FNIP2: variants seen among roughly 807,000 people sequenced by gnomAD.
FNIP2 encodes the protein folliculin-interacting protein 2.
FNIP2 carries 32 observed loss-of-function variants against 108.7 expected under a neutral mutation model. The observed-to-expected ratio is 0.29, with a 90% CI of 0.22 to 0.40. The LOEUF (loss-of-function observed/expected upper bound fraction) is 0.40, where lower values mean the gene tolerates loss of function less well. Among genes scored for constraint, FNIP2 ranks in the 10% least tolerant of loss-of-function variants. FNIP2 has a pLI of 1.00. For missense variants in FNIP2, 1,202 were observed against 1,381.6 expected, an observed-to-expected ratio of 0.87 and a Z score of 2.06; for synonymous variants, 480 against 496.7, an observed-to-expected ratio of 0.97 and a Z score of 0.45.
At chr4:158,775,852 A>G (rs1045289279) in intron 1 of FNIP2, among the ~76,000 whole-genome samples, 28 of 152,254 alleles carry the variant, frequency 1.8e-4, no homozygotes, top group African/African-American at 6.3e-4. Flanking sequence ...ATGAGTTTGG[A>G]TCCCCGATTA....
At chr4:158,856,144 C>G (rs374259501) in intron 8 of FNIP2, among the ~76,000 whole-genome samples, 87 of 152,238 alleles carry the variant, frequency 5.7e-4, no homozygotes, top group African/African-American at 1.9e-3. Context: ...CATCACTTAC[C>G]GAGGCAATTG....
chr4:158,823,564 A>C (rs1778001556), intron 1 of FNIP2, among the ~76,000 whole-genome samples: 1 of 152,230 alleles, frequency 6.6e-6, no homozygotes, highest in African/African-American at 2.4e-5. Flanking sequence ...GGTCTGGGTC[A>C]TAGTCATCAG....
intron 8 of FNIP2, among the ~76,000 whole-genome samples, chr4:158,857,026 A>G (rs937457458): frequency 2.6e-5 from 4 of 152,208 alleles, no homozygotes; most frequent in Non-Finnish European, 5.9e-5. Flanking sequence ...CCACTCTATT[A>G]TAGCTATGGA....
chr4:158,788,908 A>C (rs1451007494), intron 1 of FNIP2, among the ~76,000 whole-genome samples: 1 of 152,246 alleles, frequency 6.6e-6, no homozygotes, highest in Non-Finnish European at 1.5e-5. Context: ...TCCATGCTTC[A>C]TCTTTAGGCA....
chr4:158,801,198 G>A (rs1776750725), intron 1 of FNIP2, among the ~76,000 whole-genome samples: 1 of 152,130 alleles, frequency 6.6e-6, no homozygotes, highest in Admixed American at 6.5e-5. Context: ...TCCTGGGGAG[G>A]CGGTAGGGGC....
intron 14 of FNIP2, among the ~76,000 whole-genome samples, chr4:158,885,658 C>T (rs565372073): frequency 1.3e-5 from 2 of 152,308 alleles, no homozygotes; most frequent in East Asian, 1.9e-4. Context: ...CACGTTTCAA[C>T]ACATTTTTCT....
intron 1 of FNIP2, among the ~76,000 whole-genome samples, chr4:158,800,203 C>A (rs1015034809): frequency 6.6e-6 from 1 of 152,112 alleles, no homozygotes; most frequent in Admixed American, 6.5e-5. Context: ...CTTTCGGTAG[C>A]ACTTTTTCAA....
At chr4:158,825,488 G>A (rs937714744) in intron 1 of FNIP2, among the ~76,000 whole-genome samples, 11 of 152,222 alleles carry the variant, frequency 7.2e-5, no homozygotes, top group African/African-American at 2.4e-4. Flanking sequence ...AGGCTCTACC[G>A]ACTTGCTCCA....
Position 158,868,606 on chromosome 4 carries a change from C to T in FNIP2, c.1970C>T (p.Ala657Val), listed in dbSNP as rs374889035. Residue 657 changes from alanine to valine, a missense_variant, in exon 13 of 17, where the codon GCA (alanine) becomes GTA (valine). By Grantham distance (64) the Ala-to-Val change is moderately conservative. This residue lies in a region of FNIP2 where 878 missense variants were observed against 990.3 expected (regional missense o/e 0.89). Transcript: ENST00000264433. The surrounding 1 kb of genome is among the most constrained non-coding windows in gnomAD (Gnocchi z 4.6). ...TGTGGGGATGAGAAAAATAAAGAGG[C>T]ACCGCAAGATGGCTCTTCAAGACTT... The part of the protein sequence containing the change: ...AFCGDEKNKE[A>V]PQDGSSRLPS... 4 of 1,613,666 alleles carry T rather than the reference C, an allele frequency of 2.5e-6. No individual in the cohort carries two copies. Among genetic ancestry groups the T allele is most frequent in the African/African-American group, 2.7e-5 (2 of 74,924 alleles).
intron 14 of FNIP2, among the ~76,000 whole-genome samples, chr4:158,878,326 C>T (rs1311816231): frequency 1.3e-5 from 2 of 152,064 alleles, no homozygotes; most frequent in Non-Finnish European, 2.9e-5. Context: ...TCTGGAGCTT[C>T]AAAGAACTAT....
intron 13 of FNIP2, among the ~76,000 whole-genome samples, chr4:158,869,925 A>C (rs1780838507): frequency 6.6e-6 from 1 of 152,238 alleles, no homozygotes. Flanking sequence ...TGAAAGCAGT[A>C]ATTAGAAATT....
At chr4:158,833,094 C>T (rs926090217) in intron 5 of FNIP2, among the ~76,000 whole-genome samples, 2 of 152,138 alleles carry the variant, frequency 1.3e-5, no homozygotes, top group South Asian at 4.1e-4. Flanking sequence ...CTGAATTGCT[C>T]ATTGATGTTA....
At position 158,869,316 on chromosome 4, in the gene FNIP2, G is replaced by T; in HGVS notation, c.2680G>T (p.Asp894Tyr). The change falls in exon 13 of 17, where the codon GAT becomes TAT. Residue 894 changes from aspartate to tyrosine, a missense_variant. Asp to Tyr is a radical substitution (Grantham distance 160). This residue lies in a region of FNIP2 where 878 missense variants were observed against 990.3 expected (regional missense o/e 0.89). Coordinates refer to ENST00000264433, the MANE Select transcript of FNIP2 (RefSeq NM_020840.3). ...AGACATTCCCCGAAATGAAAGCTCAGATAGCGCCCTGGGAGACAGTGACGA... is the reference window on the plus strand; with the variant it reads ...AGACATTCCCCGAAATGAAAGCTCATATAGCGCCCTGGGAGACAGTGACGA... Reference protein sequence around the residue: ...EGDIPRNESSDSALGDSDDEA... With the variant: ...EGDIPRNESSYSALGDSDDEA... The T allele has an allele frequency of 1.2e-6, 2 of 1,613,836 alleles. No homozygotes were observed. The highest frequency in any genetic ancestry group is 1.7e-6 in the Non-Finnish European group (2 of 1,179,822).
chr4:158,890,978 A>G (rs1782244902), intron 14 of FNIP2, among the ~76,000 whole-genome samples: 1 of 152,168 alleles, frequency 6.6e-6, no homozygotes, highest in African/African-American at 2.4e-5. Flanking sequence ...TCTAAGAAAG[A>G]TCATTCTTCA....
At chr4:158,780,498 A>T (rs1578815495) in intron 1 of FNIP2, among the ~76,000 whole-genome samples, 1 of 152,226 alleles carries the variant, frequency 6.6e-6, no homozygotes, top group Admixed American at 6.5e-5. Flanking sequence ...CGCATGTCTC[A>T]TAGTTATCCT....
rs1426789984 is a variant in FNIP2, at chr4:158,858,966, A to C, written c.858-91A>C. On this transcript the variant is annotated intron_variant, in intron 8 of 16. Coordinates refer to ENST00000264433, the MANE Select transcript of FNIP2 (RefSeq NM_020840.3). ...CAGAGATACTCTTAGTTATGACTGAATGTTCTGGGTGTCATCCCCAGTCAT... is the reference window on the plus strand; with the variant it reads ...CAGAGATACTCTTAGTTATGACTGACTGTTCTGGGTGTCATCCCCAGTCAT... 3.0e-6 allele frequency: 3 copies of C among 995,118 alleles called. No individual in the cohort carries two copies. The East Asian group carries it at 7.2e-5, about 24-fold the overall frequency. 61.6% of individuals were successfully genotyped at this position (995,118 alleles called of 1,614,324 possible).
chr4:158,800,745 G>C (rs1441197450), intron 1 of FNIP2, among the ~76,000 whole-genome samples: 1 of 151,720 alleles, frequency 6.6e-6, no homozygotes, highest in Non-Finnish European at 1.5e-5. Flanking sequence ...TCTACATTTA[G>C]TTTTATAAAA....
chr4:158,890,057 T>C, intron 14 of FNIP2: 1 of 985,420 alleles, frequency 1.0e-6, no homozygotes, highest in Non-Finnish European at 1.2e-6. Context: ...AAAATCTTTG[T>C]ACTTTTCAGT....
intron 1 of FNIP2, among the ~76,000 whole-genome samples, chr4:158,795,680 G>A (rs766387360): frequency 6.6e-6 from 1 of 152,174 alleles, no homozygotes; most frequent in Non-Finnish European, 1.5e-5. Context: ...CAGAGCAGCG[G>A]GCAAGGGAGC....
Sources: allele counts gnomAD v4.1 joint callset (sites outside exome capture counted in the v4.1 genomes callset), GRCh38; gene constraint gnomAD v4.1.1; regional missense constraint gnomAD v4.1.1; non-coding constraint Gnocchi (gnomAD v3.1); transcripts MANE v1.5; gene names NCBI Gene and HGNC (gene_info 2026-07-23, HGNC 2026-07-21).